The following GOLGA4 variants were observed in gnomAD, a reference collection of about 807,000 sequenced individuals.
GOLGA4 encodes golgin subfamily A member 4.
A neutral mutation model predicts 265.9 loss-of-function variants in GOLGA4; 169 were observed. The ratio of observed to expected loss-of-function variants is 0.64; its 90% CI spans 0.56 to 0.72. GOLGA4 has a LOEUF of 0.72. Among genes scored for constraint, GOLGA4 ranks in the 30% least tolerant of loss-of-function variants. The pLI is 0.00. For synonymous variants in GOLGA4, 923 were observed against 855.8 expected (o/e 1.08, Z -1.37); for missense variants, 2,482 against 2,483.4 (o/e 1.00, Z 0.01).
intron 21 of GOLGA4, among the ~76,000 whole-genome samples, chr3:37,354,764 T>A (rs895700676): frequency 2.0e-5 from 3 of 152,062 alleles, no homozygotes; most frequent in Admixed American, 6.6e-5. Context: ...TGGCAATACA[T>A]CACTTACTAG....
In GOLGA4 at chr3:37,326,347, G is replaced by A. The variant is rs2096970686; in HGVS notation, c.4461G>A (p.Glu1487=). The A allele has an allele frequency of 8.1e-6, 13 of 1,612,512 alleles. No homozygotes were observed. Among genetic ancestry groups the A allele is most frequent in the East Asian group, 2.2e-5 (1 of 44,848 alleles). The change falls in exon 14 of 24, where the codon GAG becomes GAA. Residue 1487 remains glutamate (E), a synonymous_variant. Transcript: ENST00000361924. Reference sequence around the variant, plus strand: ...AGCAGATAAATTTATTGAAGGAAGAGCTTGATCAGCAAAATAAAAGATTTG... The same window carrying A: ...AGCAGATAAATTTATTGAAGGAAGAACTTGATCAGCAAAATAAAAGATTTG... The part of the protein sequence containing the change: ...KDEQINLLKE[E]LDQQNKRFDC...
At chr3:37,288,622 G>A (rs1402369942) in intron 4 of GOLGA4, among the ~76,000 whole-genome samples, 5 of 151,868 alleles carry the variant, frequency 3.3e-5, no homozygotes, top group Admixed American at 2.0e-4. Context: ...GACTACAGGC[G>A]CCTGCCACCA....
Position 37,323,865 on chromosome 3 carries a change from A to G in GOLGA4, c.1979A>G (p.Lys660Arg). Residue 660 changes from lysine (K) to arginine (R), a missense_variant, in exon 14 of 24, where the codon AAA becomes AGA. Transcript: ENST00000361924. ...GAAAAAGAAACATTGTTGAAAGACA[A>G]AGAGATTATCTTCCAGGCCCACATA... ...EQEKETLLKD[K>R]EIIFQAHIEE... 6.2e-7 allele frequency: 1 copy of G among 1,612,244 alleles called. No individual in the cohort carries two copies. The highest frequency in any genetic ancestry group is 1.3e-5 in the African/African-American group (1 of 74,850).
rs1248992554 is a variant in GOLGA4 at position 37,298,868 on chromosome 3, C to T, written c.850C>T (p.Leu284Phe). ...DGTSVKTLET[L>F]QQRVKRQENL... ...AACTTCTGTAAAAACACTGGAAACA[C>T]TCCAGCAAAGAGTGAAGCGTCAAGA... Residue 284 changes from leucine to phenylalanine, a missense_variant, in exon 8 of 24, where the codon CTC becomes TTC. Transcript: ENST00000361924. 5 of 1,611,406 alleles carry T rather than the reference C, an allele frequency of 3.1e-6. No homozygotes were observed. Among genetic ancestry groups the T allele is most frequent in the Non-Finnish European group, 4.2e-6 (5 of 1,179,272 alleles).
chr3:37,329,214 CAA>C (rs1281983964), intron 16 of GOLGA4, 121 bp downstream of exon 16: 2 of 706,642 alleles, frequency 2.8e-6, no homozygotes, highest in Non-Finnish European at 4.5e-6. Flanking sequence ...TTTTTTGACT[CAA>C]TATTATTCAA....
intron 18 of GOLGA4, 94 bp from the exon 19 acceptor site, chr3:37,337,572 A>G (rs1578775831): frequency 1.2e-6 from 1 of 804,760 alleles, no homozygotes; most frequent in South Asian, 1.4e-5. Context: ...TTAAAACTTA[A>G]AAAGACTAAC....
intron 3 of GOLGA4, among the ~76,000 whole-genome samples, chr3:37,282,748 A>G (rs1032984931): frequency 6.6e-6 from 1 of 152,204 alleles, no homozygotes; most frequent in African/African-American, 2.4e-5. Flanking sequence ...TTGTACCTAC[A>G]TTTAAACCTT....
In GOLGA4 at chr3:37,256,721, C is replaced by T. The variant is rs369557300; in HGVS notation, c.162+5237C>T. ...GCTTGAGGTTAATCTTTTTTGCTTC[C>T]CTAGTTCTGGGTTGCTTTAGAGCAA... is the stretch of plus-strand genomic sequence containing the variant. On this transcript the variant is annotated intron_variant, in intron 2 of 23. Transcript: ENST00000361924. Among the ~76,000 whole-genome samples, 259 of 152,034 alleles carry T rather than the reference C, an allele frequency of 1.7e-3. 4 individuals carry two copies. Among genetic ancestry groups the T allele is most frequent in the African/African-American group, 5.7e-3 (236 of 41,476 alleles).
At chr3:37,267,286 A>G (rs2096786353) in intron 2 of GOLGA4, among the ~76,000 whole-genome samples, 1 of 152,226 alleles carries the variant, frequency 6.6e-6, no homozygotes, top group African/African-American at 2.4e-5. Context: ...CTGTTCTACT[A>G]TTGATGGGCG....
At chr3:37,351,552 A>G (rs896383550) in intron 21 of GOLGA4, among the ~76,000 whole-genome samples, 1 of 152,170 alleles carries the variant, frequency 6.6e-6, no homozygotes, top group Non-Finnish European at 1.5e-5. Context: ...TATGGCCACT[A>G]TAGCCTTATA....
At chr3:37,266,325 G>T (rs914130579) in intron 2 of GOLGA4, among the ~76,000 whole-genome samples, 20 of 152,010 alleles carry the variant, frequency 1.3e-4, no homozygotes, top group African/African-American at 4.8e-4. Flanking sequence ...TCAGCCTCCT[G>T]AGTGGCTGGG....
At chr3:37,258,717 T>C (rs1356081627) in intron 2 of GOLGA4, among the ~76,000 whole-genome samples, 4 of 152,224 alleles carry the variant, frequency 2.6e-5, no homozygotes, top group Non-Finnish European at 5.9e-5. Flanking sequence ...TAGGGATTAC[T>C]GGGAAGTATC....
Position 37,296,640 on chromosome 3 carries a change from G to A in GOLGA4, c.814+421G>A, listed in dbSNP as rs369541218. Among the ~76,000 whole-genome samples, 16 of 152,040 alleles carry A rather than the reference G, an allele frequency of 1.1e-4. No homozygotes were observed. The East Asian group carries it at 2.3e-3, about 22-fold the overall frequency. On this transcript the variant is annotated intron_variant, in intron 7 of 23. Transcript: ENST00000361924. ...GGCTGGAGTGCAGTAGCATGATCTC[G>A]GCTCACTGCAACCTCCATCTCCTGG...
intron 2 of GOLGA4, among the ~76,000 whole-genome samples, chr3:37,268,304 G>C (rs964020903): frequency 1.3e-5 from 2 of 151,978 alleles, no homozygotes; most frequent in Admixed American, 6.6e-5. Flanking sequence ...GACTCATCTT[G>C]AATTCCTGGC....
In GOLGA4 at chr3:37,243,275, C is replaced by A; in HGVS notation, c.-276C>A. 1.9e-6 allele frequency: 1 copy of A among 521,876 alleles called. No individual in the cohort carries two copies. The highest frequency in any genetic ancestry group is 3.5e-5 in the Admixed American group (1 of 28,252). 32.3% of individuals were successfully genotyped at this position (521,876 alleles called of 1,614,324 possible). Reference sequence around the variant, plus strand: ...GCGCAAGCGCCCTTGGCGCACAGTTCACCTGCTGCCGTTGTCGTCGCCGCC... The same window carrying A: ...GCGCAAGCGCCCTTGGCGCACAGTTAACCTGCTGCCGTTGTCGTCGCCGCC... On this transcript the variant is annotated 5_prime_UTR_variant, in exon 1 of 24. Coordinates refer to ENST00000361924, the MANE Select transcript of GOLGA4 (RefSeq NM_002078.5).
At chr3:37,352,982 A>G (rs572147779) in intron 21 of GOLGA4, among the ~76,000 whole-genome samples, 2 of 152,086 alleles carry the variant, frequency 1.3e-5, no homozygotes, top group Admixed American at 6.6e-5. Context: ...TTTTACTTGC[A>G]TACTTACAGA....
intron 22 of GOLGA4, among the ~76,000 whole-genome samples, chr3:37,357,064 CA>C (rs1468658641): frequency 1.4e-5 from 2 of 139,990 alleles, no homozygotes; most frequent in Non-Finnish European, 3.3e-5. Flanking sequence ...ACTCTTAAAG[CA>C]GACAAAAAAG....
chr3:37,332,302 G>A (rs965396940), intron 16 of GOLGA4, among the ~76,000 whole-genome samples: 16 of 152,102 alleles, frequency 1.1e-4, no homozygotes, highest in South Asian at 2.1e-4. Context: ...TAATGCAAGC[G>A]TTACCATCTC....
At chr3:37,258,602 A>G (rs1341405588) in intron 2 of GOLGA4, among the ~76,000 whole-genome samples, 1 of 152,196 alleles carries the variant, frequency 6.6e-6, no homozygotes, top group Non-Finnish European at 1.5e-5. Context: ...TGCTGGGATT[A>G]CAGGCATGAA....
Sources: allele counts gnomAD v4.1 joint callset (sites outside exome capture counted in the v4.1 genomes callset), GRCh38; gene constraint gnomAD v4.1.1; transcripts MANE v1.5; gene names NCBI Gene and HGNC (gene_info 2026-07-23, HGNC 2026-07-21).